MERTK: variants seen among roughly 807,000 people sequenced by gnomAD.
MERTK encodes tyrosine-protein kinase Mer.
In MERTK, 69 loss-of-function variants were observed where a neutral mutation model predicts 99.3. The ratio of observed to expected loss-of-function variants is 0.70; its 90% CI spans 0.57 to 0.85. MERTK has a LOEUF of 0.85. MERTK is among the 40% of genes least tolerant of loss of function. MERTK has a pLI of 0.00. For synonymous variants in MERTK, 426 were observed against 467.6 expected (o/e 0.91, Z 1.15); for missense variants, 1,125 against 1,249.4 (o/e 0.90, Z 1.50).
intron 18 of MERTK, among the ~76,000 whole-genome samples, chr2:112,027,298 G>GTC (rs1384762625): frequency 1.4e-5 from 2 of 145,444 alleles, no homozygotes; most frequent in Admixed American, 6.8e-5. Context: ...GTGTGTATAT[G>GTC]TGTGTGTGTG....
At chr2:111,924,294 C>T (rs996050536) in intron 1 of MERTK, among the ~76,000 whole-genome samples, 1 of 152,170 alleles carries the variant, frequency 6.6e-6, no homozygotes, top group African/African-American at 2.4e-5. Context: ...CCATGGTTGC[C>T]ATCCCCACTT....
At chr2:111,998,600 T>C (rs1676800716) in intron 10 of MERTK, among the ~76,000 whole-genome samples, 1 of 152,146 alleles carries the variant, frequency 6.6e-6, no homozygotes, top group Non-Finnish European at 1.5e-5. Flanking sequence ...TTGGCTGCAT[T>C]AAGAAAGTCA....
intron 13 of MERTK, 46 bp from the exon 14 acceptor site, chr2:112,008,337 A>G (rs1166568143): frequency 6.8e-7 from 1 of 1,460,290 alleles, no homozygotes. Context: ...ACTCCCCTTA[A>G]TTGAGTAAAT....
At chr2:111,911,640 C>G (rs1017766103) in intron 1 of MERTK, among the ~76,000 whole-genome samples, 3 of 147,480 alleles carry the variant, frequency 2.0e-5, no homozygotes, top group Non-Finnish European at 4.5e-5. Context: ...ATCTGCCCGT[C>G]TCAGCCTCCC....
chr2:111,927,526 G>A (rs1684589063), intron 1 of MERTK, among the ~76,000 whole-genome samples: 1 of 152,096 alleles, frequency 6.6e-6, no homozygotes, highest in African/African-American at 2.4e-5. Context: ...TTTTAAACTA[G>A]CTGGACATGG....
At chr2:111,899,710 G>A (rs1684008107) in intron 1 of MERTK, among the ~76,000 whole-genome samples, 1 of 152,100 alleles carries the variant, frequency 6.6e-6, no homozygotes. Context: ...TAGAGACGGG[G>A]TTTCACCATG....
chr2:111,978,462 T>C (rs935674172), intron 7 of MERTK, among the ~76,000 whole-genome samples: 1 of 152,108 alleles, frequency 6.6e-6, no homozygotes, highest in African/African-American at 2.4e-5. Flanking sequence ...TGTTTGTTTG[T>C]TTGTTTGTTT....
intron 8 of MERTK, among the ~76,000 whole-genome samples, chr2:111,987,951 T>C (rs1173186781): frequency 6.6e-6 from 1 of 151,996 alleles, no homozygotes; most frequent in Admixed American, 6.6e-5. Flanking sequence ...ATAGCAGAGA[T>C]TATTATAGCC....
chr2:111,974,697 A>G (rs2104732840), intron 6 of MERTK, among the ~76,000 whole-genome samples: 1 of 130,262 alleles, frequency 7.7e-6, no homozygotes, highest in South Asian at 2.7e-4. Context: ...TGAATCCGGG[A>G]GGCGGAGGTT....
intron 8 of MERTK, among the ~76,000 whole-genome samples, chr2:111,993,945 G>A (rs1676682614): frequency 6.6e-6 from 1 of 152,186 alleles, no homozygotes; most frequent in Admixed American, 6.5e-5. Context: ...AGTCAGGCTT[G>A]CTCTGCCGTC....
chr2:111,917,613 G>A (rs1684376632), intron 1 of MERTK, among the ~76,000 whole-genome samples: 1 of 152,138 alleles, frequency 6.6e-6, no homozygotes, highest in Non-Finnish European at 1.5e-5. Flanking sequence ...GAGGCCAGGC[G>A]CAGTGGCCGA....
chr2:111,926,825 G>A (rs546740237), intron 1 of MERTK, among the ~76,000 whole-genome samples: 1 of 152,346 alleles, frequency 6.6e-6, no homozygotes, highest in African/African-American at 2.4e-5. Context: ...ATGCATTGCT[G>A]CAGAAAGCAT....
At chr2:111,904,350 G>A (rs1207529602) in intron 1 of MERTK, among the ~76,000 whole-genome samples, 1 of 151,496 alleles carries the variant, frequency 6.6e-6, no homozygotes, top group African/African-American at 2.4e-5. Flanking sequence ...TTTGTTTTAG[G>A]GTTTTTGAGT....
chr2:111,994,320 A>G lies in MERTK; in HGVS notation c.1366A>G (p.Thr456Ala), dbSNP rs1329166064. ...GATCTCTGTTCAAGTCCACAATGCT[A>G]CGTGCACAGTGAGGATTGCAGCCGT... ...ARISVQVHNA[T>A]CTVRIAAVTR... Residue 456 changes from threonine to alanine, a missense_variant, in exon 9 of 19, where the codon ACG becomes GCG. Thr to Ala is a moderately conservative substitution (Grantham distance 58). Transcript: ENST00000295408. The G allele has an allele frequency of 6.2e-7, 1 of 1,614,136 alleles. No homozygotes were observed. The highest frequency in any genetic ancestry group is 8.5e-7 in the Non-Finnish European group (1 of 1,180,014).
chr2:112,011,134 G>T (rs996836076), intron 15 of MERTK, among the ~76,000 whole-genome samples: 3 of 152,188 alleles, frequency 2.0e-5, no homozygotes, highest in African/African-American at 7.2e-5. Flanking sequence ...GAGTGCAGTG[G>T]TGCAATTAGG....
At chr2:112,020,469 T>C (rs1677316128) in intron 16 of MERTK, 1 of 412,110 alleles carries the variant, frequency 2.4e-6, no homozygotes, top group African/African-American at 2.1e-5. Context: ...CCCAGACTAC[T>C]TTATATCTAT....
Position 112,000,925 on chromosome 2 carries a change from A to G in MERTK, c.1605-276A>G, listed in dbSNP as rs367785297. Among the ~76,000 whole-genome samples the G allele has an allele frequency of 1.1e-4, 16 of 152,330 alleles. No individual in the cohort carries two copies. The East Asian group carries it at 2.7e-3, about 26-fold the overall frequency. Reference sequence around the variant, plus strand: ...ATTCATTTTATACTCATAGTCTAGTATTACTTTAGTTTCTTGCTCAGACTG... The same window carrying G: ...ATTCATTTTATACTCATAGTCTAGTGTTACTTTAGTTTCTTGCTCAGACTG... On this transcript the variant is annotated intron_variant, in intron 10 of 18. Coordinates refer to ENST00000295408, the MANE Select transcript of MERTK (RefSeq NM_006343.3).
intron 1 of MERTK, among the ~76,000 whole-genome samples, chr2:111,928,579 A>C (rs1220176764): frequency 5.3e-5 from 8 of 152,084 alleles, no homozygotes; most frequent in Admixed American, 4.6e-4. Context: ...TCCGCCTCCC[A>C]GGTTCAAGCT....
chr2:111,937,142 T>G (rs1308008288), intron 2 of MERTK, among the ~76,000 whole-genome samples: 1 of 152,140 alleles, frequency 6.6e-6, no homozygotes, highest in African/African-American at 2.4e-5. Flanking sequence ...TTAAATTTTC[T>G]TTATAAAAAT....
Sources: gnomAD v4.1 joint callset for allele counts (sites outside exome capture counted in the v4.1 genomes callset) on GRCh38, gnomAD v4.1.1 for gene constraint, MANE v1.5 for transcripts, NCBI Gene and HGNC (gene_info 2026-07-23, HGNC 2026-07-21) for gene names.